DENND2B: variants seen among roughly 807,000 people sequenced by gnomAD.
DENND2B encodes the protein DENN domain-containing protein 2B.
In DENND2B, 32 loss-of-function variants were observed where a neutral mutation model predicts 116.0. The ratio of observed to expected loss-of-function variants is 0.28; its 90% CI spans 0.21 to 0.37. The LOEUF (loss-of-function observed/expected upper bound fraction) is 0.37, where lower values mean the gene tolerates loss of function less well. DENND2B is among the 10% of genes least tolerant of loss of function. The probability of loss-of-function intolerance (pLI) is 1.00; values close to 1 mark genes in which losing one functional copy is unlikely to be tolerated. For synonymous variants in DENND2B, 588 were observed against 583.9 expected, an observed-to-expected ratio of 1.01 and a Z score of -0.10; for missense variants, 1,276 against 1,477.7, an observed-to-expected ratio of 0.86 and a Z score of 2.24.
chr11:8,729,294 C>T (rs1239359881), intron 3 of DENND2B, among the ~76,000 whole-genome samples: 2 of 152,174 alleles, frequency 1.3e-5, no homozygotes, highest in Non-Finnish European at 2.9e-5. Flanking sequence ...TCCAAGTTAC[C>T]GGGGAGACAG....
chr11:8,827,295 C>T (rs1158573373), intron 4 of DENND2B, among the ~76,000 whole-genome samples: 4 of 152,182 alleles, frequency 2.6e-5, no homozygotes, highest in East Asian at 1.9e-4. Flanking sequence ...TACTGTCCCC[C>T]GCACAGCTAG....
intron 15 of DENND2B, 118 bp from the exon 16 acceptor site, chr11:8,699,092 G>C (rs2041004633): frequency 1.3e-6 from 2 of 1,532,484 alleles, no homozygotes; most frequent in African/African-American, 1.4e-5. Flanking sequence ...TCCAGCCGGG[G>C]ATAGACCTCC....
chr11:8,708,116 C>T, intron 11 of DENND2B: 3 of 1,394,356 alleles, frequency 2.2e-6, no homozygotes, highest in South Asian at 2.9e-5. Flanking sequence ...CCCTTCCTCC[C>T]AGGAGGACGC....
intron 1 of DENND2B, among the ~76,000 whole-genome samples, chr11:8,751,755 A>G (rs1173675752): frequency 1.3e-5 from 2 of 152,160 alleles, no homozygotes; most frequent in African/African-American, 4.8e-5. Context: ...GAAGCCCAAG[A>G]AACTCCATCT....
intron 1 of DENND2B, among the ~76,000 whole-genome samples, chr11:8,762,188 A>C (rs989233118): frequency 6.6e-6 from 1 of 152,242 alleles, no homozygotes; most frequent in African/African-American, 2.4e-5. Context: ...ACAATGACTT[A>C]TAAGGCCCTC....
intron 2 of DENND2B, among the ~76,000 whole-genome samples, chr11:8,860,021 C>A (rs2063340816): frequency 6.6e-6 from 1 of 152,120 alleles, no homozygotes; most frequent in Non-Finnish European, 1.5e-5. Flanking sequence ...CCCAGAAAAA[C>A]AGGAGCATCA....
rs780810314 is a variant in DENND2B at position 8,750,729 on chromosome 11, C to G, written c.-25-4G>C. 80 of 1,613,788 alleles carry G rather than the reference C, an allele frequency of 5.0e-5. No individual in the cohort carries two copies. In the East Asian group the frequency reaches 1.5e-3, roughly 30 times the overall value. On this transcript the variant is annotated splice_region_variant and splice_polypyrimidine_tract_variant and intron_variant, in intron 1 of 19. Coordinates refer to ENST00000313726, the MANE Select transcript of DENND2B (RefSeq NM_213618.2). The stretch of plus-strand genomic sequence containing the variant: ...GGCTCTCTGCAAACCCAGAGCCCTG[C>G]AAAGACGACAATGCCGGTAAGCCAA...
chr11:8,862,645 CTTAT>C (rs1293629774), intron 2 of DENND2B, among the ~76,000 whole-genome samples: 20 of 152,084 alleles, frequency 1.3e-4, no homozygotes, highest in African/African-American at 4.6e-4. Flanking sequence ...AACTTTTTCA[CTTAT>C]TTATTCAGTT....
At chr11:8,697,144 C>T (rs1332187347) in intron 17 of DENND2B, among the ~76,000 whole-genome samples, 1 of 152,202 alleles carries the variant, frequency 6.6e-6, no homozygotes, top group Non-Finnish European at 1.5e-5. Context: ...ATGTTCTGAA[C>T]ATGGAAGTTG....
At position 8,717,810 on chromosome 11, in the gene DENND2B, C is replaced by G. The variant is rs1335298010; in HGVS notation, c.1560G>C (p.Glu520Asp). 4.3e-6 allele frequency: 7 copies of G among 1,613,350 alleles called. No individual in the cohort carries two copies. Residue 520 changes from glutamate (E) to aspartate (D), a missense_variant, in exon 5 of 20, where the codon GAG becomes GAC. Physicochemically the swap from Glu to Asp is conservative, Grantham distance 45. Transcript: ENST00000313726. ...RAGRKSQQLS[E>D]NSLDSLHRMW... The stretch of plus-strand genomic sequence containing the variant: ...TCCTGTGCAAAGAGTCCAAGGAGTT[C>G]TCAGACAGTTGCTGGGATTTTCGTC...
At chr11:8,908,464 T>A (rs1293518996) in intron 1 of DENND2B, among the ~76,000 whole-genome samples, 1 of 152,214 alleles carries the variant, frequency 6.6e-6, no homozygotes, top group African/African-American at 2.4e-5. Flanking sequence ...ATGTACCAAG[T>A]ACTATAAATG....
chr11:8,717,623 T>TG (rs2045157818), intron 5 of DENND2B, 118 bp downstream of exon 5: 1 of 1,287,662 alleles, frequency 7.8e-7, no homozygotes, highest in Non-Finnish European at 1.0e-6. Flanking sequence ...CGTAGACCCT[T>TG]TATCAAGTAC....
Position 8,702,447 on chromosome 11 carries a change from C to T in DENND2B, c.2720+125G>A. ...TACCTTTCCACCTAGTCTTCCATCT[C>T]CCTACGCACAGCCCCACTCCAGCAC... On this transcript the variant is annotated intron_variant, in intron 14 of 19. Coordinates refer to ENST00000313726, the MANE Select transcript of DENND2B (RefSeq NM_213618.2). This position sits in a 1 kb window ranked among gnomAD's most constrained non-coding sequence, Gnocchi z 4.6. The T allele has an allele frequency of 7.2e-7, 1 of 1,381,112 alleles. No individual in the cohort carries two copies. Among genetic ancestry groups the T allele is most frequent in the Non-Finnish European group, 9.9e-7 (1 of 1,014,430 alleles). 85.6% of individuals were successfully genotyped at this position (1,381,112 alleles called of 1,614,324 possible). A position where few individuals can be genotyped will look rare whatever the true frequency, so the allele number is the denominator to read the frequency against.
At position 8,715,828 on chromosome 11, in the gene DENND2B, G is replaced by T. The variant is rs374610004; in HGVS notation, c.1630-10C>A. ...TGGGTTTCAGGGAAAGCTGGCGTGG[G>T]GGAGAGGACGTGCGAGAGGGGCTTG... On this transcript the variant is annotated splice_polypyrimidine_tract_variant and intron_variant, in intron 5 of 19. Coordinates refer to ENST00000313726, the MANE Select transcript of DENND2B (RefSeq NM_213618.2). 5.7e-6 allele frequency: 9 copies of T among 1,589,226 alleles called. No homozygotes were observed. The highest frequency in any genetic ancestry group is 7.7e-6 in the Non-Finnish European group (9 of 1,164,370).
intron 7 of DENND2B, 133 bp from the exon 8 acceptor site, chr11:8,714,175 C>A: frequency 1.1e-6 from 1 of 893,308 alleles, no homozygotes. Flanking sequence ...CATGGTCAGG[C>A]ATCTGCAGGC....
At chr11:8,734,791 C>CAAAAAAAAAAAAAAAAAAAAAAAAAAAAA (rs11339783) in intron 2 of DENND2B, among the ~76,000 whole-genome samples, 1 of 98,536 alleles carries the variant, frequency 1.0e-5, no homozygotes, top group South Asian at 3.7e-4. Context: ...ACAAGAGTCT[C>CAAAAAAAAAAAAAAAAAAAAAAAAAAAAA]AAAAAAAAAA....
chr11:8,737,761 T>A lies in DENND2B; in HGVS notation c.81-6552A>T, dbSNP rs953447169. Among the ~76,000 whole-genome samples, 4 of 151,830 alleles carry A rather than the reference T, an allele frequency of 2.6e-5. No individual in the cohort carries two copies. The East Asian group carries it at 5.8e-4, about 22-fold the overall frequency. The stretch of plus-strand genomic sequence containing the variant: ...CTTCTCTTCCTCTCCTTCCTCTTCT[T>A]CCTCTCCTTCCTCTCTCTCACAGGG... On this transcript the variant is annotated intron_variant, in intron 2 of 19. Coordinates refer to ENST00000313726, the MANE Select transcript of DENND2B (RefSeq NM_213618.2).
intron 1 of DENND2B, among the ~76,000 whole-genome samples, chr11:8,807,029 G>A (rs559513867): frequency 1.3e-5 from 2 of 150,588 alleles, no homozygotes; most frequent in Non-Finnish European, 3.0e-5. Context: ...TCCCCTCCTC[G>A]CAGCCTGCCC....
At chr11:8,885,043 A>G (rs2063945450) in intron 1 of DENND2B, among the ~76,000 whole-genome samples, 1 of 152,184 alleles carries the variant, frequency 6.6e-6, no homozygotes, top group Admixed American at 6.5e-5. Context: ...TACCAATCCC[A>G]TTGGTACCTG....
Sources: gnomAD v4.1 joint callset for allele counts (sites outside exome capture counted in the v4.1 genomes callset) on GRCh38, gnomAD v4.1.1 for gene constraint, Gnocchi (gnomAD v3.1) non-coding constraint, MANE v1.5 for transcripts, NCBI Gene and HGNC (gene_info 2026-07-23, HGNC 2026-07-21) for gene names.